Variants in GABRG1 observed in about 807,000 individuals in gnomAD.
GABRG1 encodes gamma-aminobutyric acid type A receptor subunit gamma1, also known as gamma-aminobutyric acid receptor subunit gamma-1.
In GABRG1, 49 loss-of-function variants were observed where a neutral mutation model predicts 49.8. That is an observed-to-expected ratio of 0.98 (90% CI 0.78 to 1.25). The LOEUF is 1.25. GABRG1 is among the 50% of genes most tolerant of loss of function. The pLI is 0.00. For missense variants in GABRG1, 552 were observed against 552.3 expected (o/e 1.00, Z 0.01); for synonymous variants, 232 against 185.1 (o/e 1.25, Z -2.06).
intron 3 of GABRG1, among the ~76,000 whole-genome samples, chr4:46,079,981 T>C (rs866923370): frequency 1.3e-5 from 2 of 151,958 alleles, no homozygotes; most frequent in African/African-American, 2.4e-5. Context: ...TCAAACCATA[T>C]ATAAAATTGA....
chr4:46,110,699 A>C (rs1292647360), intron 1 of GABRG1, among the ~76,000 whole-genome samples: 1 of 151,330 alleles, frequency 6.6e-6, no homozygotes, highest in South Asian at 2.1e-4. Context: ...TTGGTTCACC[A>C]TATGCAAATG....
chr4:46,064,999 G>A (rs1718852141), intron 4 of GABRG1, among the ~76,000 whole-genome samples: 1 of 152,102 alleles, frequency 6.6e-6, no homozygotes, highest in African/African-American at 2.4e-5. Flanking sequence ...TCTTAGGGAT[G>A]TTTTACTACA....
At chr4:46,089,298 T>C (rs1008948691) in intron 2 of GABRG1, among the ~76,000 whole-genome samples, 1 of 152,114 alleles carries the variant, frequency 6.6e-6, no homozygotes, top group Non-Finnish European at 1.5e-5. Flanking sequence ...AAAGTCATTA[T>C]TTATACGTCA....
chr4:46,053,915 G>T (rs775102508), intron 7 of GABRG1, among the ~76,000 whole-genome samples: 9 of 152,002 alleles, frequency 5.9e-5, no homozygotes, highest in Non-Finnish European at 8.8e-5. Context: ...AGGATATTGA[G>T]AAAACATTTT....
chr4:46,045,713 A>G (rs1016699176), intron 8 of GABRG1, among the ~76,000 whole-genome samples: 1 of 151,894 alleles, frequency 6.6e-6, no homozygotes, highest in Non-Finnish European at 1.5e-5. Flanking sequence ...AAAGTTTTAA[A>G]ATTAACCAAG....
intron 7 of GABRG1, among the ~76,000 whole-genome samples, chr4:46,053,394 A>G (rs1718311089): frequency 6.6e-6 from 1 of 151,884 alleles, no homozygotes; most frequent in Non-Finnish European, 1.5e-5. Context: ...ATCCTAATTA[A>G]CTTTTTCTTG....
At chr4:46,062,340 G>A (rs1324776108) in intron 5 of GABRG1, among the ~76,000 whole-genome samples, 3 of 151,940 alleles carry the variant, frequency 2.0e-5, no homozygotes, top group Non-Finnish European at 4.4e-5. Flanking sequence ...AAACATACGT[G>A]TGCATGTGTC....
intron 3 of GABRG1, among the ~76,000 whole-genome samples, chr4:46,077,321 A>G (rs6831570): frequency 1.3e-5 from 2 of 151,934 alleles, no homozygotes; most frequent in Non-Finnish European, 2.9e-5. Context: ...AAATATTTTT[A>G]AAAAAAGTAA....
intron 2 of GABRG1, among the ~76,000 whole-genome samples, chr4:46,095,961 C>T (rs1720151699): frequency 6.6e-6 from 1 of 151,606 alleles, no homozygotes; most frequent in Admixed American, 6.6e-5. Flanking sequence ...CTTTTTTGCT[C>T]CTCTCCTCCT....
At position 46,052,390 on chromosome 4, in the gene GABRG1, C is replaced by G. The variant is rs538783085; in HGVS notation, c.917-752G>C. ...TGTTATATAATAACCTGAGTTAAAC[C>G]CATTTTTTAATCTCAATGTTTAAGT... On this transcript the variant is annotated intron_variant, in intron 7 of 8. Coordinates refer to ENST00000295452, the MANE Select transcript of GABRG1 (RefSeq NM_173536.4). Among the ~76,000 whole-genome samples the G allele has an allele frequency of 2.0e-5, 3 of 151,792 alleles. No homozygotes were observed. In the South Asian group the frequency reaches 6.2e-4, roughly 32 times the overall value.
intron 1 of GABRG1, among the ~76,000 whole-genome samples, chr4:46,113,706 C>T (rs1577671376): frequency 6.6e-6 from 1 of 151,136 alleles, no homozygotes; most frequent in African/African-American, 2.4e-5. Context: ...TGAGTGCCAA[C>T]TCCAAAATGG....
At chr4:46,057,995 A>G (rs943893530) in intron 7 of GABRG1, among the ~76,000 whole-genome samples, 3 of 152,128 alleles carry the variant, frequency 2.0e-5, no homozygotes, top group African/African-American at 7.2e-5. Flanking sequence ...AGCAGAAAAA[A>G]GAAGGAATTT....
intron 1 of GABRG1, among the ~76,000 whole-genome samples, chr4:46,119,857 A>G (rs1307249431): frequency 6.6e-6 from 1 of 151,722 alleles, no homozygotes; most frequent in Non-Finnish European, 1.5e-5. Flanking sequence ...AAAGACATTT[A>G]AGAACACACA....
At chr4:46,044,279 C>G (rs113977125) in intron 8 of GABRG1, among the ~76,000 whole-genome samples, 2,695 of 152,042 alleles carry the variant, frequency 0.018, 94 homozygotes, top group African/African-American at 0.061. Context: ...TTGAGACCAG[C>G]CTGGGCAACA....
intron 1 of GABRG1, among the ~76,000 whole-genome samples, chr4:46,112,135 A>G (rs1019887357): frequency 6.6e-5 from 10 of 151,350 alleles, no homozygotes; most frequent in African/African-American, 2.4e-4. Flanking sequence ...AACTTAAACA[A>G]TTGAAAATCC....
chr4:46,120,384 C>T (rs995163821), intron 1 of GABRG1, among the ~76,000 whole-genome samples: 4 of 151,628 alleles, frequency 2.6e-5, no homozygotes, highest in African/African-American at 7.3e-5. Context: ...AAATATCAAA[C>T]ATTTCCTCTT....
At chr4:46,097,005 A>AT (rs1242957461) in intron 2 of GABRG1, among the ~76,000 whole-genome samples, 196 bp downstream of exon 2, 2 of 151,416 alleles carry the variant, frequency 1.3e-5, no homozygotes, top group Non-Finnish European at 3.0e-5. Flanking sequence ...AATTACATTA[A>AT]TTTTTTTTCT....
chr4:46,067,151 A>G (rs2109410467), intron 3 of GABRG1, among the ~76,000 whole-genome samples: 2 of 152,142 alleles, frequency 1.3e-5, no homozygotes, highest in South Asian at 4.1e-4. Flanking sequence ...AAGTAAACAA[A>G]CTAGATTCAA....
chr4:46,068,812 A>T (rs1719010985), intron 3 of GABRG1, among the ~76,000 whole-genome samples: 1 of 152,142 alleles, frequency 6.6e-6, no homozygotes. Flanking sequence ...AATGATCTAC[A>T]CAAGAAATAA....
Sources: gnomAD v4.1 joint callset for allele counts (sites outside exome capture counted in the v4.1 genomes callset) on GRCh38, gnomAD v4.1.1 for gene constraint, MANE v1.5 for transcripts, NCBI Gene and HGNC (gene_info 2026-07-23, HGNC 2026-07-21) for gene names.